Variants in NKAIN2 observed in about 807,000 individuals in gnomAD.
The protein encoded by NKAIN2 is sodium/potassium-transporting ATPase subunit beta-1-interacting protein 2.
A neutral mutation model predicts 32.6 loss-of-function variants in NKAIN2; 14 were observed. The ratio of observed to expected loss-of-function variants is 0.43; its 90% CI spans 0.28 to 0.67. The LOEUF (loss-of-function observed/expected upper bound fraction) is 0.67, where lower values mean the gene tolerates loss of function less well. Among genes scored for constraint, NKAIN2 ranks in the 30% least tolerant of loss-of-function variants. The pLI, the probability that NKAIN2 is intolerant of heterozygous loss-of-function variation, is 0.17. For missense variants in NKAIN2, 198 were observed against 258.3 expected, an observed-to-expected ratio of 0.77 and a Z score of 1.60; for synonymous variants, 80 against 87.2, an observed-to-expected ratio of 0.92 and a Z score of 0.46.
chr6:124,531,013 A>T (rs1009438811), intron 3 of NKAIN2, among the ~76,000 whole-genome samples: 22 of 152,312 alleles, frequency 1.4e-4, no homozygotes, highest in Non-Finnish European at 2.5e-4. Flanking sequence ...AAATACCCCC[A>T]TAGACATATC....
intron 3 of NKAIN2, among the ~76,000 whole-genome samples, chr6:124,553,849 A>G (rs1036023118): frequency 2.0e-5 from 3 of 152,202 alleles, no homozygotes; most frequent in African/African-American, 7.2e-5. Flanking sequence ...AAGGGAACAT[A>G]TCTTGACAGG....
chr6:123,826,708 C>G (rs1416878139), intron 1 of NKAIN2, among the ~76,000 whole-genome samples: 3 of 152,118 alleles, frequency 2.0e-5, no homozygotes, highest in Non-Finnish European at 4.4e-5. Flanking sequence ...CTTTTTAAGA[C>G]TGAATAATAC....
At chr6:124,205,517 G>GT in intron 1 of NKAIN2, among the ~76,000 whole-genome samples, 1 of 150,932 alleles carries the variant, frequency 6.6e-6, no homozygotes, top group South Asian at 2.1e-4. Context: ...TTGTTTGTTT[G>GT]TTTTTTTCAC....
chr6:123,819,085 A>G (rs1403223249), intron 1 of NKAIN2, among the ~76,000 whole-genome samples: 6 of 152,160 alleles, frequency 3.9e-5, no homozygotes, highest in African/African-American at 1.4e-4. Context: ...TGTTCTGGCT[A>G]TATGTGAGAA....
chr6:123,909,377 G>A (rs575797899), intron 1 of NKAIN2, among the ~76,000 whole-genome samples: 123 of 152,236 alleles, frequency 8.1e-4, no homozygotes, highest in Non-Finnish European at 1.6e-3. Context: ...TGGGTGTGTG[G>A]AATGATTCTG....
At chr6:124,031,323 C>A (rs1036145330) in intron 1 of NKAIN2, among the ~76,000 whole-genome samples, 12 of 151,894 alleles carry the variant, frequency 7.9e-5, no homozygotes, top group African/African-American at 2.9e-4. Flanking sequence ...GTCTTGCTAG[C>A]GGTCTATCCA....
Position 124,234,387 on chromosome 6 carries a change from C to T in NKAIN2, c.55-48618C>T, listed in dbSNP as rs572625596. Among the ~76,000 whole-genome samples the T allele has an allele frequency of 4.5e-4, 68 of 152,176 alleles. 1 individual carries two copies. The South Asian group carries it at 0.014, about 31-fold the overall frequency. Reference sequence around the variant, plus strand: ...GTACCTTAAACACACTGTAAAAGACCTTATTGGTGGTGTCCAGTAGGGAGA... The same window carrying T: ...GTACCTTAAACACACTGTAAAAGACTTTATTGGTGGTGTCCAGTAGGGAGA... On this transcript the variant is annotated intron_variant, in intron 1 of 6. Coordinates refer to ENST00000368417, the MANE Select transcript of NKAIN2 (RefSeq NM_001040214.3).
chr6:124,657,294 C>T (rs1213508530), intron 3 of NKAIN2, among the ~76,000 whole-genome samples: 2 of 152,062 alleles, frequency 1.3e-5, no homozygotes, highest in African/African-American at 4.8e-5. Context: ...ACCTTTTTTT[C>T]TTAGAACTTA....
At chr6:124,059,173 T>TA (rs1335773673) in intron 1 of NKAIN2, among the ~76,000 whole-genome samples, 3 of 152,136 alleles carry the variant, frequency 2.0e-5, no homozygotes, top group Admixed American at 6.6e-5. Context: ...GTGTAAGTCT[T>TA]ACGTTTTATC....
intron 4 of NKAIN2, among the ~76,000 whole-genome samples, chr6:124,697,242 A>G (rs1774540000): frequency 6.6e-6 from 1 of 152,180 alleles, no homozygotes; most frequent in Non-Finnish European, 1.5e-5. Context: ...AAGGTAATGA[A>G]TATGACAACA....
At chr6:124,034,715 G>GGAATGT (rs1358025495) in intron 1 of NKAIN2, among the ~76,000 whole-genome samples, 1 of 151,986 alleles carries the variant, frequency 6.6e-6, no homozygotes, top group Non-Finnish European at 1.5e-5. Context: ...CAAAGGAGTT[G>GGAATGT]AACTAATTTA....
At chr6:124,079,027 G>A (rs1042505042) in intron 1 of NKAIN2, among the ~76,000 whole-genome samples, 2 of 151,562 alleles carry the variant, frequency 1.3e-5, no homozygotes, top group Non-Finnish European at 2.9e-5. Flanking sequence ...TTATCAGTGG[G>A]GGCAAAGAAA....
chr6:124,267,341 G>T (rs183429879), intron 1 of NKAIN2, among the ~76,000 whole-genome samples: 3 of 152,014 alleles, frequency 2.0e-5, no homozygotes, highest in Non-Finnish European at 4.4e-5. Flanking sequence ...TGTGTGGGCT[G>T]TTGGTAAGAA....
chr6:124,668,168 C>A (rs1159932), intron 4 of NKAIN2, among the ~76,000 whole-genome samples: 91 of 152,234 alleles, frequency 6.0e-4, no homozygotes, highest in Non-Finnish European at 1.0e-3. Context: ...TACGTGTAAT[C>A]TTCTAACTTA....
chr6:124,293,177 T>G (rs753794070), intron 2 of NKAIN2, among the ~76,000 whole-genome samples: 2 of 152,262 alleles, frequency 1.3e-5, no homozygotes, highest in South Asian at 4.1e-4. Context: ...TAGCTAATAA[T>G]ATTTTATTAC....
intron 1 of NKAIN2, among the ~76,000 whole-genome samples, chr6:123,868,919 G>C (rs952654310): frequency 3.2e-4 from 48 of 152,230 alleles, no homozygotes; most frequent in African/African-American, 1.1e-3. Context: ...AAAAGAAAGA[G>C]GATAAGCAGA....
At chr6:124,261,421 T>C (rs751653240) in intron 1 of NKAIN2, among the ~76,000 whole-genome samples, 4 of 152,184 alleles carry the variant, frequency 2.6e-5, no homozygotes, top group Non-Finnish European at 4.4e-5. Context: ...ACAATGTTAG[T>C]TGCACCTGAT....
chr6:124,570,715 C>A (rs968996942), intron 3 of NKAIN2, among the ~76,000 whole-genome samples: 1 of 152,242 alleles, frequency 6.6e-6, no homozygotes, highest in African/African-American at 2.4e-5. Flanking sequence ...CATGGAGAAC[C>A]TCTGCTAGGG....
chr6:124,327,986 G>A (rs1797491290), intron 2 of NKAIN2, among the ~76,000 whole-genome samples: 1 of 152,202 alleles, frequency 6.6e-6, no homozygotes, highest in Admixed American at 6.5e-5. Flanking sequence ...TTCAGAATAA[G>A]TACTTTGTAA....
Sources: gnomAD v4.1 joint callset for allele counts (sites outside exome capture counted in the v4.1 genomes callset) on GRCh38, gnomAD v4.1.1 for gene constraint, MANE v1.5 for transcripts, NCBI Gene and HGNC (gene_info 2026-07-23, HGNC 2026-07-21) for gene names.